The following MAP4K1 variants were observed in gnomAD, a reference collection of about 807,000 sequenced individuals.
MAP4K1 encodes the protein mitogen-activated protein kinase kinase kinase kinase 1.
In MAP4K1, 35 loss-of-function variants were observed where a neutral mutation model predicts 122.8. That is an observed-to-expected ratio of 0.29 (90% CI 0.22 to 0.38). The LOEUF is 0.38. Among genes scored for constraint, MAP4K1 ranks in the 10% least tolerant of loss-of-function variants. The pLI, the probability that MAP4K1 is intolerant of heterozygous loss-of-function variation, is 1.00. For synonymous variants in MAP4K1, 412 were observed against 421.3 expected, an observed-to-expected ratio of 0.98 and a Z score of 0.27; for missense variants, 791 against 1,072.6, an observed-to-expected ratio of 0.74 and a Z score of 3.67.
rs1423863866 is a variant in MAP4K1, at chr19:38,613,915, C to G, written c.498G>C (p.Leu166=). Reference sequence around the variant, plus strand: ...TCCCAATGAAAGAGAGGCGTCTGGCCAGTGTAGCCCCAATCTGGGCCGAGA... The same window carrying G: ...TCCCAATGAAAGAGAGGCGTCTGGCGAGTGTAGCCCCAATCTGGGCCGAGA... ...FGISAQIGAT[L]ARRLSFIGTP... Residue 166 remains leucine, a synonymous_variant, in exon 8 of 31, where the codon CTG becomes CTC. Transcript: ENST00000396857. 6.2e-7 allele frequency: 1 copy of G among 1,613,504 alleles called. No homozygotes were observed. Among genetic ancestry groups the G allele is most frequent in the Non-Finnish European group, 8.5e-7 (1 of 1,179,848 alleles).
rs553796604 is a variant in MAP4K1, at chr19:38,617,905, C to T, written c.-10G>A. Reference sequence around the variant, plus strand: ...GGTCCACGACGTCCATCCCTGGGGGCCTGAGCTGGGCCTGCGCCCAGGGGC... The same window carrying T: ...GGTCCACGACGTCCATCCCTGGGGGTCTGAGCTGGGCCTGCGCCCAGGGGC... On this transcript the variant is annotated 5_prime_UTR_variant, in exon 1 of 31. Transcript: ENST00000396857. The surrounding 1 kb of genome is among the most constrained non-coding windows in gnomAD (Gnocchi z 4.1). 1,075 of 1,613,186 alleles carry T rather than the reference C, an allele frequency of 6.7e-4. 24 individuals are homozygous for T. In the South Asian group the frequency reaches 0.011, roughly 17 times the overall value.
At chr19:38,603,491 T>C (rs1975229131) in intron 19 of MAP4K1, among the ~76,000 whole-genome samples, 1 of 152,000 alleles carries the variant, frequency 6.6e-6, no homozygotes, top group Non-Finnish European at 1.5e-5. Flanking sequence ...TGATTAATTA[T>C]GCTATGCATT....
Position 38,595,555 on chromosome 19 carries a change from G to A in MAP4K1, c.2270C>T (p.Ala757Val). ...IPMTEAVEAV[A>V]MVGGQLQAFW... ...GGCCTGAAGCTGACCTCCAACCATA[G>A]CTGGGGAGAAAGCAATGCCCGTTAC... Residue 757 changes from alanine (A) to valine (V), a missense_variant and splice_region_variant, in exon 29 of 31, where the codon GCT becomes GTT. Transcript: ENST00000396857. 6.2e-7 allele frequency: 1 copy of A among 1,614,120 alleles called. No individual in the cohort carries two copies. The highest frequency in any genetic ancestry group is 8.5e-7 in the Non-Finnish European group (1 of 1,180,026).
At position 38,596,112 on chromosome 19, in the gene MAP4K1, G is replaced by C. The variant is rs1343086548; in HGVS notation, c.2117-111C>G. On this transcript the variant is annotated intron_variant, in intron 26 of 30. Transcript: ENST00000396857. Reference sequence around the variant, plus strand: ...AGCCACCGCCTCAGTTCACAAGCAAGTGGGCTAAACCCCGCCCACCATCCC... The same window carrying C: ...AGCCACCGCCTCAGTTCACAAGCAACTGGGCTAAACCCCGCCCACCATCCC... The C allele has an allele frequency of 2.2e-6, 3 of 1,363,614 alleles. No individual in the cohort carries two copies. The African/African-American group carries it at 4.3e-5, about 20-fold the overall frequency. The allele number at this position is 1,363,614 out of a possible 1,614,324, so 84.5% of individuals were successfully genotyped here. A position where few individuals can be genotyped will look rare whatever the true frequency, so the allele number is the denominator to read the frequency against.
chr19:38,592,995 G>A (rs1045662249), intron 30 of MAP4K1, among the ~76,000 whole-genome samples: 2 of 152,178 alleles, frequency 1.3e-5, no homozygotes, highest in Admixed American at 1.3e-4. Flanking sequence ...AGATACTCAG[G>A]AAGCTGAGGT....
chr19:38,599,378 A>G (rs1379966109), intron 22 of MAP4K1, among the ~76,000 whole-genome samples: 2 of 133,374 alleles, frequency 1.5e-5, no homozygotes, highest in Non-Finnish European at 3.2e-5. Context: ...AGGCTAATCT[A>G]AGGCCAGGTG....
At chr19:38,612,056 C>A (rs975712450) in intron 9 of MAP4K1, among the ~76,000 whole-genome samples, 1 of 152,072 alleles carries the variant, frequency 6.6e-6, no homozygotes, top group Non-Finnish European at 1.5e-5. Flanking sequence ...TGAGATCTTG[C>A]CACTGCACTC....
intron 30 of MAP4K1, among the ~76,000 whole-genome samples, chr19:38,589,644 A>ACCTCAGGTGATCCACCTG (rs1974645915): frequency 6.6e-6 from 1 of 151,922 alleles, no homozygotes; most frequent in South Asian, 2.1e-4. Flanking sequence ...CAAACTCCCG[A>ACCTCAGGTGATCCACCTG]CCTCAGGTGA....
chr19:38,600,078 A>G lies in MAP4K1; in HGVS notation c.1607T>C (p.Met536Thr). Residue 536 changes from methionine to threonine, a missense_variant and splice_region_variant, in exon 21 of 31, where the codon ATG (methionine) becomes ACG (threonine). Met to Thr is a moderately conservative substitution (Grantham distance 81, BLOSUM62 -1). Coordinates refer to ENST00000396857, the MANE Select transcript of MAP4K1 (RefSeq NM_001042600.3). ...CCCTGGCCCGGTATGGTTCCTCACC[A>G]TTTCCAGCGTGGCCTCCTGGTCATT... ...NRNDQEATLE[M>T]LFPSRTTWVY... The G allele has an allele frequency of 6.2e-7, 1 of 1,614,066 alleles. No homozygotes were observed. Among genetic ancestry groups the G allele is most frequent in the South Asian group, 1.1e-5 (1 of 91,086 alleles).
At chr19:38,613,446 G>A (rs909316069) in intron 8 of MAP4K1, among the ~76,000 whole-genome samples, 6 of 151,574 alleles carry the variant, frequency 4.0e-5, no homozygotes, top group Non-Finnish European at 7.4e-5. Flanking sequence ...GATCTCCTGA[G>A]CCCAGGAGTT....
chr19:38,596,094 G>T (rs1239190377), intron 26 of MAP4K1, 93 bp from the exon 27 acceptor site: 2 of 1,378,210 alleles, frequency 1.5e-6, no homozygotes, highest in Non-Finnish European at 1.0e-6. Context: ...TTTAGCCACC[G>T]CCTCAGTTCA....
intron 29 of MAP4K1, among the ~76,000 whole-genome samples, chr19:38,593,951 GAC>G (rs1974798987): frequency 6.6e-6 from 1 of 152,172 alleles, no homozygotes; most frequent in Non-Finnish European, 1.5e-5. Flanking sequence ...GGCAAAGTCT[GAC>G]ACAGTATTCT....
intron 30 of MAP4K1, among the ~76,000 whole-genome samples, 176 bp from the exon 31 acceptor site, chr19:38,587,993 A>T (rs2145923847): frequency 6.6e-6 from 1 of 152,314 alleles, no homozygotes; most frequent in East Asian, 1.9e-4. Context: ...GATCAACATG[A>T]ATCAGTGAAT....
chr19:38,603,296 A>C (rs557774187), intron 19 of MAP4K1, among the ~76,000 whole-genome samples: 2 of 148,202 alleles, frequency 1.3e-5, no homozygotes, highest in Non-Finnish European at 3.0e-5. Context: ...ACACACACAC[A>C]TACATGTATA....
At chr19:38,595,425 G>T in intron 29 of MAP4K1, 60 bp downstream of exon 29, 1 of 1,559,598 alleles carries the variant, frequency 6.4e-7, no homozygotes, top group Non-Finnish European at 8.8e-7. Flanking sequence ...GAGCCCATCT[G>T]ATGAATGTCA....
At position 38,597,554 on chromosome 19, in the gene MAP4K1, C is replaced by G. The variant is rs1974928804; in HGVS notation, c.1710G>C (p.Leu570=). ...CTGCTCTGGTCTCTTTCCGTTCCAG[C>G]AGGCCAAGGATGCTATGAGAATACA... The part of the protein sequence containing the change: ...PHLYSHSILG[L]LERKETRAGN... Residue 570 remains leucine, a synonymous_variant, in exon 23 of 31, where the codon CTG becomes CTC. Transcript: ENST00000396857. This position sits in a 1 kb window ranked among gnomAD's most constrained non-coding sequence, Gnocchi z 4.6. The G allele has an allele frequency of 1.2e-6, 2 of 1,613,640 alleles. No homozygotes were observed. The highest frequency in any genetic ancestry group is 1.7e-5 in the Admixed American group (1 of 59,920).
intron 19 of MAP4K1, 103 bp downstream of exon 19, chr19:38,605,306 A>G (rs974874228): frequency 1.1e-6 from 1 of 876,782 alleles, no homozygotes; most frequent in African/African-American, 1.7e-5. Context: ...CGCTCAACAA[A>G]TGTCACCTGT....
At chr19:38,604,943 G>A (rs140004793) in intron 19 of MAP4K1, among the ~76,000 whole-genome samples, 97 of 151,338 alleles carry the variant, frequency 6.4e-4, no homozygotes, top group Non-Finnish European at 1.2e-3. Context: ...AAAATTAGCC[G>A]GGCATGGTGC....
chr19:38,608,934 T>C (rs1480148216), intron 13 of MAP4K1, among the ~76,000 whole-genome samples: 3 of 151,078 alleles, frequency 2.0e-5, no homozygotes, highest in Non-Finnish European at 4.4e-5. Context: ...TGAGCTGTGA[T>C]CACACCACTG....
Sources: allele counts gnomAD v4.1 joint callset (sites outside exome capture counted in the v4.1 genomes callset), GRCh38; gene constraint gnomAD v4.1.1; non-coding constraint Gnocchi (gnomAD v3.1); transcripts MANE v1.5; gene names NCBI Gene and HGNC (gene_info 2026-07-23, HGNC 2026-07-21).